Variants in PEG3 observed in about 807,000 individuals in gnomAD.
PEG3 encodes the protein paternally-expressed gene 3 protein.
Under a neutral mutation model 35.5 loss-of-function variants are expected in PEG3, and 23 were observed. The observed-to-expected ratio is 0.65, with a 90% CI of 0.47 to 0.92. PEG3 has a LOEUF of 0.92. Among genes scored for constraint, PEG3 ranks in the 40% least tolerant of loss-of-function variants. The pLI, the probability that PEG3 is intolerant of heterozygous loss-of-function variation, is 0.00. For synonymous variants in PEG3, 707 were observed against 697.0 expected, an observed-to-expected ratio of 1.01 and a Z score of -0.23; for missense variants, 1,960 against 1,985.3, an observed-to-expected ratio of 0.99 and a Z score of 0.24.
intron 1 of PEG3, 124 bp from the exon 2 acceptor site, chr19:56,836,228 A>G (rs1322700582): frequency 5.5e-6 from 2 of 362,672 alleles, no homozygotes; most frequent in Non-Finnish European, 1.1e-5. Context: ...AAATGAGACC[A>G]TGAAAAGCAT....
intron 2 of PEG3, among the ~76,000 whole-genome samples, chr19:56,830,933 A>C (rs2061513244): frequency 6.6e-6 from 1 of 151,992 alleles, no homozygotes; most frequent in African/African-American, 2.4e-5. Context: ...TCACCAAAAA[A>C]ATAAAAAACA....
Position 56,813,780 on chromosome 19 carries a change from A to G in PEG3, c.4662T>C (p.Gly1554=). 1 of 1,613,948 alleles carries G rather than the reference A, an allele frequency of 6.2e-7. No individual in the cohort carries two copies. The highest frequency in any genetic ancestry group is 8.5e-7 in the Non-Finnish European group (1 of 1,179,998). The change falls in exon 10 of 10, where the codon GGT becomes GGC. Residue 1554 remains glycine, a synonymous_variant. Transcript: ENST00000326441. The part of the protein sequence containing the change: ...GYIERASTST[G]GANQADEKYF... The stretch of plus-strand genomic sequence containing the variant: ...ACTTCTCATCAGCTTGATTGGCACC[A>G]CCTGTGCTGGTGCTGGCACGTTCGA...
chr19:56,818,989 T>C (rs1298290600), intron 7 of PEG3, among the ~76,000 whole-genome samples: 1 of 152,120 alleles, frequency 6.6e-6, no homozygotes, highest in Non-Finnish European at 1.5e-5. Flanking sequence ...TAGAGAACAA[T>C]AAACAATAAA....
chr19:56,834,080 T>C (rs865901783), intron 2 of PEG3, among the ~76,000 whole-genome samples: 1 of 152,244 alleles, frequency 6.6e-6, no homozygotes, highest in South Asian at 2.1e-4. Context: ...CAAATAAAGC[T>C]ACTTTAAAGA....
chr19:56,825,990 T>C (rs1157240474), intron 3 of PEG3, among the ~76,000 whole-genome samples: 2 of 152,320 alleles, frequency 1.3e-5, no homozygotes, highest in East Asian at 3.9e-4. Flanking sequence ...CTCTCCTGCA[T>C]ATTATCATCC....
At position 56,815,664 on chromosome 19, in the gene PEG3, G is replaced by A. The variant is rs1341796850; in HGVS notation, c.2778C>T (p.Ser926=). The A allele has an allele frequency of 1.2e-6, 2 of 1,614,012 alleles. No homozygotes were observed. Among genetic ancestry groups the A allele is most frequent in the African/African-American group, 1.3e-5 (1 of 74,924 alleles). ...FKKDGEFSVP[S]SNVREYQKAR... The stretch of plus-strand genomic sequence containing the variant: ...CCTTCTGGTATTCACGGACATTTGA[G>A]CTGGGAACAGAGAATTCGCCATCCT... Residue 926 remains serine, a synonymous_variant, in exon 10 of 10, where the codon AGC becomes AGT. Transcript: ENST00000326441.
Position 56,824,283 on chromosome 19 carries a change from T to G in PEG3, c.373A>C (p.Lys125Gln). Residue 125 changes from lysine to glutamine, a missense_variant, in exon 4 of 10, where the codon AAG (lysine) becomes CAG (glutamine). Coordinates refer to ENST00000326441, the MANE Select transcript of PEG3 (RefSeq NM_006210.3). ...EKLVTLLENYKEMYQPEDDNN... is the reference protein window; with the variant it reads ...EKLVTLLENYQEMYQPEDDNN... ...TCACCTTCTGGTTGGTACATCTCCT[T>G]GTAATTCTCCAGCAGAGTGACGAGC... 1 of 1,613,980 alleles carries G rather than the reference T, an allele frequency of 6.2e-7. No homozygotes were observed.
In PEG3 at chr19:56,811,509, CTTG is replaced by C. The variant is rs374631594; in HGVS notation, c.*2163_*2165del. The C allele has an allele frequency of 4.8e-4, 472 of 984,004 alleles. 1 individual carries two copies. The African/African-American group carries it at 7.6e-3, about 16-fold the overall frequency. The allele number at this position is 984,004 out of a possible 1,614,324, so 61.0% of individuals were successfully genotyped here. ...ACAGATAGGTTTAAACAATCATTCT[CTTG>C]TTTACCATTTGTTACTACCTTTTCA... is the stretch of plus-strand genomic sequence containing the variant. On this transcript the variant is annotated 3_prime_UTR_variant, in exon 10 of 10. Transcript: ENST00000326441.
Position 56,824,420 on chromosome 19 carries a change from G to A in PEG3, c.236C>T (p.Thr79Ile). 6.2e-7 allele frequency: 1 copy of A among 1,614,152 alleles called. No individual in the cohort carries two copies. Among genetic ancestry groups the A allele is most frequent in the Non-Finnish European group, 8.5e-7 (1 of 1,180,030 alleles). ...CTCGATGATCTCCTCCTTGGTGCGG[G>A]TCTCCGGCTGCAACCAATCGAGGCA... The part of the protein sequence containing the change: ...NLCLDWLQPE[T>I]RTKEEIIELL... Residue 79 changes from threonine (T) to isoleucine (I), a missense_variant, in exon 4 of 10, where the codon ACC (threonine) becomes ATC (isoleucine). Transcript: ENST00000326441.
chr19:56,815,278 T>A lies in PEG3; in HGVS notation c.3164A>T (p.Gln1055Leu), dbSNP rs764519233. 4 of 1,614,136 alleles carry A rather than the reference T, an allele frequency of 2.5e-6. No individual in the cohort carries two copies. The highest frequency in any genetic ancestry group is 3.4e-6 in the Non-Finnish European group (4 of 1,180,052). ...DLNTNQKIYD[Q>L]EKSHGEESQG... ...AGACTCCTCGCCATGAGACTTCTCT[T>A]GGTCATAGATTTTCTGGTTTGTGTT... Residue 1055 changes from glutamine (Q) to leucine (L), a missense_variant, in exon 10 of 10, where the codon CAA (glutamine) becomes CTA (leucine). By Grantham distance (113) the Gln-to-Leu change is moderately radical. Coordinates refer to ENST00000326441, the MANE Select transcript of PEG3 (RefSeq NM_006210.3).
chr19:56,811,271 CTT>C lies in PEG3; in HGVS notation c.*2402_*2403del, dbSNP rs2059524161. 1.1e-6 allele frequency: 1 copy of C among 935,364 alleles called. No homozygotes were observed. The highest frequency in any genetic ancestry group is 1.3e-6 in the Non-Finnish European group (1 of 784,466). The allele number at this position is 935,364 out of a possible 1,614,324, so 57.9% of individuals were successfully genotyped here. A position where few individuals can be genotyped will look rare whatever the true frequency, so the allele number is the denominator to read the frequency against. On this transcript the variant is annotated 3_prime_UTR_variant, in exon 10 of 10. Transcript: ENST00000326441. ...GCCTACAACAACAACACCACAACAG[CTT>C]TTGACTATAAGCATATATATTTTTA...
At position 56,814,970 on chromosome 19, in the gene PEG3, T is replaced by C. The variant is rs575870500; in HGVS notation, c.3472A>G (p.Thr1158Ala). 3 of 1,614,102 alleles carry C rather than the reference T, an allele frequency of 1.9e-6. No individual in the cohort carries two copies. The highest frequency in any genetic ancestry group is 2.2e-5 in the East Asian group (1 of 44,862). ...HSISEYQRDY[T>A]GEQLYECPKC... The stretch of plus-strand genomic sequence containing the variant: ...GGACATTCATACAGCTGCTCTCCAG[T>C]GTAATCTCTCTGATACTCGCTGATG... Residue 1158 changes from threonine to alanine, a missense_variant, in exon 10 of 10, where the codon ACT becomes GCT. Thr to Ala is a moderately conservative substitution (Grantham distance 58). Coordinates refer to ENST00000326441, the MANE Select transcript of PEG3 (RefSeq NM_006210.3). This position sits in a 1 kb window ranked among gnomAD's most constrained non-coding sequence, Gnocchi z 5.8.
chr19:56,839,781 C>T (rs2062757959), intron 1 of PEG3, among the ~76,000 whole-genome samples: 3 of 152,206 alleles, frequency 2.0e-5, no homozygotes, highest in African/African-American at 7.2e-5. Flanking sequence ...AGCGCCTGCG[C>T]GGCAAACCTC....
intron 1 of PEG3, among the ~76,000 whole-genome samples, chr19:56,839,690 G>T (rs2062739624): frequency 6.6e-6 from 1 of 152,114 alleles, no homozygotes; most frequent in Admixed American, 6.5e-5. Flanking sequence ...AATGGGTGGG[G>T]CTGGAACAGA....
chr19:56,821,656 A>G lies in PEG3; in HGVS notation c.664T>C (p.Ser222Pro). The G allele has an allele frequency of 6.2e-7, 1 of 1,613,946 alleles. No homozygotes were observed. The highest frequency in any genetic ancestry group is 1.3e-5 in the African/African-American group (1 of 75,034). ...DRDSRAYESR[S>P]QDAESYQNVV... ...GAGAGGAAACCTGAGCATACCTGAG[A>G]TCGGGACTCATAAGCCCTGGAGTCC... The change falls in exon 7 of 10, where the codon TCT (serine) becomes CCT (proline). Residue 222 changes from serine (S) to proline (P), a missense_variant. By Grantham distance (74) the Ser-to-Pro change is moderately conservative. This residue lies in a region of PEG3 where 613 missense variants were observed against 577.1 expected (regional missense o/e 1.06). Transcript: ENST00000326441.
chr19:56,820,715 G>A (rs1051460140), intron 7 of PEG3, among the ~76,000 whole-genome samples: 1 of 152,134 alleles, frequency 6.6e-6, no homozygotes, highest in Non-Finnish European at 1.5e-5. Flanking sequence ...ATTTTTCCTT[G>A]AGGACACTGA....
rs1484003527 is a variant in PEG3 at position 56,811,819 on chromosome 19, A to G, written c.*1856T>C. ...CCAAACTGCTCAGGACACCCCGCTC[A>G]ATTCATTCTCAGAAACCTGGCCTTC... On this transcript the variant is annotated 3_prime_UTR_variant, in exon 10 of 10. Transcript: ENST00000326441. 1 of 985,406 alleles carries G rather than the reference A, an allele frequency of 1.0e-6. No homozygotes were observed. Among genetic ancestry groups the G allele is most frequent in the African/African-American group, 1.7e-5 (1 of 57,226 alleles). The allele number at this position is 985,406 out of a possible 1,614,324, so 61.0% of individuals were successfully genotyped here.
At chr19:56,822,496 GTT>G (rs11355455) in intron 6 of PEG3, 6,024 of 327,560 alleles carry the variant, frequency 0.018, no homozygotes, top group Middle Eastern at 0.025. Context: ...GAAACTTCCA[GTT>G]TTTTTTTTTT....
At chr19:56,836,125 T>G in intron 1 of PEG3, 21 bp from the exon 2 acceptor site, 1 of 458,294 alleles carries the variant, frequency 2.2e-6, no homozygotes, top group African/African-American at 2.0e-5. Flanking sequence ...AAAGAAAATG[T>G]GAGACGCCAA....
Sources: gnomAD v4.1 joint callset for allele counts (sites outside exome capture counted in the v4.1 genomes callset) on GRCh38, gnomAD v4.1.1 for gene constraint, gnomAD v4.1.1 regional missense constraint, Gnocchi (gnomAD v3.1) non-coding constraint, MANE v1.5 for transcripts, NCBI Gene and HGNC (gene_info 2026-07-23, HGNC 2026-07-21) for gene names.